HDAC4: variants seen among roughly 807,000 people sequenced by gnomAD.
The protein encoded by HDAC4 is histone deacetylase 4.
In HDAC4, 16 loss-of-function variants were observed where a neutral mutation model predicts 135.1. That is an observed-to-expected ratio of 0.12 (90% CI 0.08 to 0.18). The LOEUF (loss-of-function observed/expected upper bound fraction) is 0.18, where lower values mean the gene tolerates loss of function less well. Ranked by LOEUF, HDAC4 falls within the 10% of genes least tolerant of loss-of-function variation. The pLI is 1.00. For missense variants in HDAC4, 1,143 were observed against 1,511.8 expected (o/e 0.76, Z 4.05); for synonymous variants, 685 against 653.4 (o/e 1.05, Z -0.74).
intron 2 of HDAC4, among the ~76,000 whole-genome samples, chr2:239,263,548 G>A (rs990958428): frequency 7.2e-5 from 11 of 152,290 alleles, no homozygotes; most frequent in African/African-American, 1.4e-4. Flanking sequence ...TGCTAGGCCC[G>A]CACGGAGCTG....
At chr2:239,122,854 A>G (rs1017699014) in intron 12 of HDAC4, among the ~76,000 whole-genome samples, 5 of 152,178 alleles carry the variant, frequency 3.3e-5, no homozygotes, top group African/African-American at 1.2e-4. Context: ...TGCAACCCCA[A>G]TGTAGGCTGG....
chr2:239,059,155 G>GA (rs2106473414), intron 24 of HDAC4, among the ~76,000 whole-genome samples: 1 of 152,310 alleles, frequency 6.6e-6, no homozygotes, highest in Non-Finnish European at 1.5e-5. Flanking sequence ...AAAAAGTAAT[G>GA]AAAAGTGCTA....
At chr2:239,132,652 TCA>T (rs2040673949) in intron 11 of HDAC4, among the ~76,000 whole-genome samples, 2 of 152,190 alleles carry the variant, frequency 1.3e-5, no homozygotes, top group African/African-American at 4.8e-5. Flanking sequence ...AGTGCGTTTC[TCA>T]GAGAGGTGAG....
intron 2 of HDAC4, among the ~76,000 whole-genome samples, chr2:239,244,300 T>C (rs553602889): frequency 2.0e-5 from 3 of 152,276 alleles, no homozygotes; most frequent in South Asian, 4.2e-4. Context: ...GCTGGGAGGA[T>C]TGGCCATGAG....
At chr2:239,381,627 A>G (rs1265186516) in intron 1 of HDAC4, among the ~76,000 whole-genome samples, 1 of 152,216 alleles carries the variant, frequency 6.6e-6, no homozygotes, top group African/African-American at 2.4e-5. Context: ...GGTGCCATTT[A>G]CTTCTAATGC....
At chr2:239,206,265 C>T (rs1260163715) in intron 3 of HDAC4, among the ~76,000 whole-genome samples, 1 of 152,096 alleles carries the variant, frequency 6.6e-6, no homozygotes, top group Non-Finnish European at 1.5e-5. Flanking sequence ...GAGGCAGAGG[C>T]TGCAGTGAGC....
At position 239,053,568 on chromosome 2, in the gene HDAC4, G is replaced by A; in HGVS notation, c.3122C>T (p.Ser1041Phe). The part of the protein sequence containing the change: ...KYWRCLQRTT[S>F]TAGRSLIEAQ... ...CTCGATCAGAGAACGCCCCGCTGTG[G>A]AGGTTGTGCGCTGCAGGCAGCGCCA... Residue 1041 changes from serine to phenylalanine, a missense_variant, in exon 26 of 27, where the codon TCC becomes TTC. Ser to Phe is a radical substitution (Grantham distance 155). Transcript: ENST00000543185. 6.2e-7 allele frequency: 1 copy of A among 1,613,982 alleles called. No individual in the cohort carries two copies. The highest frequency in any genetic ancestry group is 8.5e-7 in the Non-Finnish European group (1 of 1,180,006).
chr2:239,294,692 G>A (rs1324334291), intron 2 of HDAC4, among the ~76,000 whole-genome samples: 2 of 151,964 alleles, frequency 1.3e-5, no homozygotes, highest in African/African-American at 4.8e-5. Context: ...GGAGTTGGAA[G>A]GAAGGGGAGC....
chr2:239,372,619 C>T (rs1344146987), intron 1 of HDAC4, among the ~76,000 whole-genome samples: 4 of 152,380 alleles, frequency 2.6e-5, no homozygotes, highest in Admixed American at 2.0e-4. Context: ...TCCCCTCTCT[C>T]TACAGAGTGT....
At chr2:239,259,066 T>A (rs903786661) in intron 2 of HDAC4, among the ~76,000 whole-genome samples, 1 of 152,242 alleles carries the variant, frequency 6.6e-6, no homozygotes, top group Non-Finnish European at 1.5e-5. Context: ...AGGTACTGAT[T>A]CCTGACTTTG....
chr2:239,357,108 T>G (rs943135119), intron 1 of HDAC4, among the ~76,000 whole-genome samples: 9 of 152,120 alleles, frequency 5.9e-5, no homozygotes, highest in African/African-American at 2.2e-4. Context: ...CACAGAACAT[T>G]TACCAAGATA....
At chr2:239,171,325 G>A (rs1217973827) in intron 5 of HDAC4, among the ~76,000 whole-genome samples, 1 of 152,198 alleles carries the variant, frequency 6.6e-6, no homozygotes, top group Non-Finnish European at 1.5e-5. Flanking sequence ...AGGGCCAAAT[G>A]AAAATCCTAG....
At chr2:239,391,885 T>C (rs965515008) in intron 1 of HDAC4, among the ~76,000 whole-genome samples, 11 of 150,470 alleles carry the variant, frequency 7.3e-5, no homozygotes, top group Non-Finnish European at 1.0e-4. Flanking sequence ...AGAAGAATTC[T>C]GAAAACAGAA....
chr2:239,346,697 C>CACCCTAACACACACAT (rs1463795622), intron 2 of HDAC4, among the ~76,000 whole-genome samples: 2 of 151,608 alleles, frequency 1.3e-5, no homozygotes, highest in East Asian at 3.9e-4. Flanking sequence ...CTAAAACACA[C>CACCCTAACACACACAT]ACCCTAACAC....
intron 3 of HDAC4, among the ~76,000 whole-genome samples, chr2:239,224,410 G>A (rs1441887956): frequency 1.3e-5 from 2 of 152,154 alleles, no homozygotes; most frequent in Non-Finnish European, 1.5e-5. Context: ...ACCTCCAGGA[G>A]CCTCCATGTC....
chr2:239,316,151 C>A (rs964034294), intron 2 of HDAC4, among the ~76,000 whole-genome samples: 1 of 152,218 alleles, frequency 6.6e-6, no homozygotes, highest in East Asian at 1.9e-4. Context: ...ATACACTCCA[C>A]TCCAAAGCCC....
chr2:239,109,546 T>C (rs1004756581), intron 14 of HDAC4, among the ~76,000 whole-genome samples: 1 of 151,292 alleles, frequency 6.6e-6, no homozygotes, highest in Non-Finnish European at 1.5e-5. Flanking sequence ...CAGGAGTCAG[T>C]CTCCTGCACT....
At chr2:239,221,975 C>A (rs1169897270) in intron 3 of HDAC4, among the ~76,000 whole-genome samples, 1 of 152,154 alleles carries the variant, frequency 6.6e-6, no homozygotes, top group Non-Finnish European at 1.5e-5. Flanking sequence ...AAAACGTATT[C>A]CAAATTTGAT....
chr2:239,358,339 C>T (rs1163841787), intron 1 of HDAC4, among the ~76,000 whole-genome samples: 4 of 152,226 alleles, frequency 2.6e-5, no homozygotes, highest in African/African-American at 9.6e-5. Context: ...GCTAAAGCGC[C>T]GGCCGTCGGG....
Sources: gnomAD v4.1 joint callset for allele counts (sites outside exome capture counted in the v4.1 genomes callset) on GRCh38, gnomAD v4.1.1 for gene constraint, MANE v1.5 for transcripts, NCBI Gene and HGNC (gene_info 2026-07-23, HGNC 2026-07-21) for gene names.